The following ATP2A2 variants were observed in gnomAD, a reference collection of about 807,000 sequenced individuals.
ATP2A2 encodes sarcoplasmic/endoplasmic reticulum calcium ATPase 2.
Under a neutral mutation model 109.3 loss-of-function variants are expected in ATP2A2, and 14 were observed. That is an observed-to-expected ratio of 0.13 (90% CI 0.08 to 0.20). The LOEUF is 0.20. ATP2A2 is among the 10% of genes least tolerant of loss of function. ATP2A2 has a pLI of 1.00. For synonymous variants in ATP2A2, 506 were observed against 490.9 expected (o/e 1.03, Z -0.41); for missense variants, 657 against 1,321.6 (o/e 0.50, Z 7.80).
chr12:110,321,682 G>T (rs1023503586), intron 5 of ATP2A2, among the ~76,000 whole-genome samples: 4 of 152,116 alleles, frequency 2.6e-5, no homozygotes, highest in African/African-American at 9.7e-5. Context: ...TGATCCTCCC[G>T]CCTCAGCCTC....
At chr12:110,305,178 C>T (rs1875144770) in intron 5 of ATP2A2, among the ~76,000 whole-genome samples, 1 of 152,176 alleles carries the variant, frequency 6.6e-6, no homozygotes. Flanking sequence ...AAATGATCCG[C>T]CTGCCTCAGC....
chr12:110,316,341 AC>A (rs953992137), intron 5 of ATP2A2, among the ~76,000 whole-genome samples: 1 of 152,176 alleles, frequency 6.6e-6, no homozygotes, highest in Admixed American at 6.5e-5. Context: ...AAATTTCTAG[AC>A]TTTTACTGGC....
At chr12:110,324,657 T>C (rs759436133) in intron 6 of ATP2A2, among the ~76,000 whole-genome samples, 1 of 151,992 alleles carries the variant, frequency 6.6e-6, no homozygotes, top group Non-Finnish European at 1.5e-5. Flanking sequence ...CCTGATCTCA[T>C]GATCCGCCTG....
intron 4 of ATP2A2, 102 bp from the exon 5 acceptor site, chr12:110,296,497 C>CT: frequency 6.8e-7 from 1 of 1,478,648 alleles, no homozygotes; most frequent in Non-Finnish European, 9.4e-7. Flanking sequence ...GGTGGGCTTC[C>CT]TTTCTTTTTA....
intron 5 of ATP2A2, among the ~76,000 whole-genome samples, chr12:110,314,099 C>T (rs1005174829): frequency 4.6e-5 from 7 of 151,812 alleles, no homozygotes; most frequent in African/African-American, 9.6e-5. Context: ...GAGGCCGAGG[C>T]GGGCAGATCA....
chr12:110,300,600 A>G (rs1277817400), intron 5 of ATP2A2, among the ~76,000 whole-genome samples: 3 of 150,006 alleles, frequency 2.0e-5, no homozygotes, highest in African/African-American at 7.4e-5. Context: ...TCAGCCTCCC[A>G]AAGTGCTGGG....
intron 3 of ATP2A2, among the ~76,000 whole-genome samples, chr12:110,288,771 G>A (rs770177598): frequency 3.2e-4 from 49 of 152,102 alleles, no homozygotes; most frequent in Non-Finnish European, 3.8e-4. Context: ...CCAGTTCCTT[G>A]TATAAGTATA....
rs1365976434 is a variant in ATP2A2 at position 110,342,625 on chromosome 12, G to A, written c.2318+177G>A. 6.6e-6 allele frequency among the ~76,000 whole-genome samples: 1 copy of A among 152,158 alleles called. No individual in the cohort carries two copies. The highest frequency in any genetic ancestry group is 2.4e-5 in the African/African-American group (1 of 41,440). On this transcript the variant is annotated intron_variant, in intron 15 of 19. Transcript: ENST00000539276. The surrounding 1 kb of genome is among the most constrained non-coding windows in gnomAD (Gnocchi z 4.6). The stretch of plus-strand genomic sequence containing the variant: ...GAAGCAGTGGTGCTTTGGCCCTCGG[G>A]AGGGTTGTCTGCAGCTGCCCCAATG...
chr12:110,346,466 C>G lies in ATP2A2; in HGVS notation c.3125C>G (p.Ser1042Cys). 3 of 1,614,136 alleles carry G rather than the reference C, an allele frequency of 1.9e-6. No individual in the cohort carries two copies. The highest frequency in any genetic ancestry group is 2.5e-6 in the Non-Finnish European group (3 of 1,180,020). Residue 1042 changes from serine (S) to cysteine (C), a missense_variant, in exon 20 of 20, where the codon TCT becomes TGT. Physicochemically the swap from Ser to Cys is moderately radical, Grantham distance 112. Around this residue, in one of 9 missense-constraint regions of ATP2A2, gnomAD observed 53 missense variants for 61.2 expected, o/e 0.87. Transcript: ENST00000539276. ...ACTAACTTTAGCGATATGTTCTGGT[C>G]TTGACTGACAGTTTTCCATAAAGAA... is the stretch of plus-strand genomic sequence containing the variant. ...TDTNFSDMFW[S>C]
Position 110,303,367 on chromosome 12 carries a change from A to T in ATP2A2, c.463+6630A>T, listed in dbSNP as rs79703839. 6.6e-4 allele frequency among the ~76,000 whole-genome samples: 100 copies of T among 152,162 alleles called. 1 individual carries two copies. In the East Asian group the frequency reaches 0.013, roughly 20 times the overall value. On this transcript the variant is annotated intron_variant, in intron 5 of 19. Coordinates refer to ENST00000539276, the MANE Select transcript of ATP2A2 (RefSeq NM_170665.4). The stretch of plus-strand genomic sequence containing the variant: ...TTCAGTCTCCCGAGTAGCTGGGATT[A>T]CAGGCTTGGGCCATTATGCCTGGCT...
Position 110,281,795 on chromosome 12 carries a change from G to T in ATP2A2, c.6G>T (p.Glu2Asp). Residue 2 changes from glutamate to aspartate, a missense_variant, in exon 1 of 20, where the codon GAG becomes GAT. By Grantham distance (45) the Glu-to-Asp change is conservative. This residue lies in a region of ATP2A2 where 64 missense variants were observed against 65.4 expected (regional missense o/e 0.98). Coordinates refer to ENST00000539276, the MANE Select transcript of ATP2A2 (RefSeq NM_170665.4). ...CCGGCCGGGCCCCCGAAGCCATGGA[G>T]AACGCGCACACCAAGACGGTGGAGG... The part of the protein sequence containing the change: M[E>D]NAHTKTVEEV... 1 of 1,519,574 alleles carries T rather than the reference G, an allele frequency of 6.6e-7. No individual in the cohort carries two copies. Among genetic ancestry groups the T allele is most frequent in the African/African-American group, 1.4e-5 (1 of 70,148 alleles). 94.1% of individuals were successfully genotyped at this position (1,519,574 alleles called of 1,614,324 possible).
chr12:110,334,176 T>G, intron 11 of ATP2A2, 33 bp downstream of exon 11: 1 of 1,612,424 alleles, frequency 6.2e-7, no homozygotes, highest in Non-Finnish European at 8.5e-7. Flanking sequence ...TTGTTCATGC[T>G]GCTTATCAGT....
In ATP2A2 at chr12:110,327,183, G is replaced by A. The variant is rs199965933; in HGVS notation, c.631-370G>A. On this transcript the variant is annotated intron_variant, in intron 7 of 19. Coordinates refer to ENST00000539276, the MANE Select transcript of ATP2A2 (RefSeq NM_170665.4). The surrounding 1 kb of genome is among the most constrained non-coding windows in gnomAD (Gnocchi z 4.4). Reference sequence around the variant, plus strand: ...AAGATAGCCCATGGGGCTAGTTGCCGTTTCTATTACAGTGAGAAAAGTAGG... The same window carrying A: ...AAGATAGCCCATGGGGCTAGTTGCCATTTCTATTACAGTGAGAAAAGTAGG... Among the ~76,000 whole-genome samples the A allele has an allele frequency of 1.6e-4, 25 of 152,306 alleles. No individual in the cohort carries two copies. In the East Asian group the frequency reaches 3.9e-3, roughly 23 times the overall value.
Position 110,340,538 on chromosome 12 carries a change from C to CAAAA in ATP2A2, c.1762-111_1762-108dup. The CAAAA allele has an allele frequency of 3.3e-6, 3 of 910,604 alleles. No individual in the cohort carries two copies. The highest frequency in any genetic ancestry group is 1.7e-5 in the South Asian group (1 of 60,134). 56.4% of individuals were successfully genotyped at this position (910,604 alleles called of 1,614,324 possible). A position where few individuals can be genotyped will look rare whatever the true frequency, so the allele number is the denominator to read the frequency against. On this transcript the variant is annotated intron_variant, in intron 13 of 19. Transcript: ENST00000539276. This position sits in a 1 kb window ranked among gnomAD's most constrained non-coding sequence, Gnocchi z 6.0. ...GGGCAACAAGAGCGAAACTCCGCCT[C>CAAAA]AAAAAAAAAAAAAGAAAAAAAATGC...
chr12:110,318,544 G>T (rs1876904845), intron 5 of ATP2A2, among the ~76,000 whole-genome samples: 1 of 152,146 alleles, frequency 6.6e-6, no homozygotes, highest in Non-Finnish European at 1.5e-5. Flanking sequence ...CGCAACTTCG[G>T]CTCACTGCAA....
In ATP2A2 at chr12:110,340,815, A is replaced by G. The variant is rs1479240119; in HGVS notation, c.1918A>G (p.Ile640Val). ...TAVAICRRIG[I>V]FGQDEDVTSK... The stretch of plus-strand genomic sequence containing the variant: ...TGTGGCCATCTGTCGCCGCATCGGC[A>G]TCTTCGGGCAGGATGAGGACGTGAC... The change falls in exon 14 of 20, where the codon ATC becomes GTC. Residue 640 changes from isoleucine to valine, a missense_variant. Physicochemically the swap from Ile to Val is conservative, Grantham distance 29 (BLOSUM62 3). Transcript: ENST00000539276. The surrounding 1 kb of genome is among the most constrained non-coding windows in gnomAD (Gnocchi z 6.0). 1 of 1,614,116 alleles carries G rather than the reference A, an allele frequency of 6.2e-7. No individual in the cohort carries two copies. Among genetic ancestry groups the G allele is most frequent in the Non-Finnish European group, 8.5e-7 (1 of 1,180,052 alleles).
At chr12:110,301,865 C>T (rs1874683187) in intron 5 of ATP2A2, among the ~76,000 whole-genome samples, 1 of 152,106 alleles carries the variant, frequency 6.6e-6, no homozygotes, top group South Asian at 2.1e-4. Context: ...TTCAGTACCA[C>T]CAAAGTCACC....
intron 11 of ATP2A2, among the ~76,000 whole-genome samples, chr12:110,338,099 G>A (rs1419616268): frequency 6.6e-6 from 1 of 152,094 alleles, no homozygotes; most frequent in Admixed American, 6.5e-5. Context: ...CCTCTCATTC[G>A]AGGTCTTTGT....
Position 110,328,021 on chromosome 12 carries a change from A to G in ATP2A2, c.1095+4A>G. ...AAACCAGATGTCAGTCTGCAGGGTA[A>G]GAGGAGTAATTTAGAATATTCCGTG... On this transcript the variant is annotated splice_donor_region_variant and intron_variant, in intron 8 of 19. Transcript: ENST00000539276. 3 of 1,611,274 alleles carry G rather than the reference A, an allele frequency of 1.9e-6. No homozygotes were observed. The highest frequency in any genetic ancestry group is 2.2e-5 in the East Asian group (1 of 44,878).
Sources: gnomAD v4.1 joint callset for allele counts (sites outside exome capture counted in the v4.1 genomes callset) on GRCh38, gnomAD v4.1.1 for gene constraint, gnomAD v4.1.1 regional missense constraint, Gnocchi (gnomAD v3.1) non-coding constraint, MANE v1.5 for transcripts, NCBI Gene and HGNC (gene_info 2026-07-23, HGNC 2026-07-21) for gene names.